Variants in FCGR1A observed in about 807,000 individuals in gnomAD.
FCGR1A encodes high affinity immunoglobulin gamma Fc receptor I.
FCGR1A carries 13 observed loss-of-function variants against 35.0 expected under a neutral mutation model. The observed-to-expected ratio is 0.37, with a 90% CI of 0.24 to 0.59. The LOEUF (loss-of-function observed/expected upper bound fraction) is 0.59, where lower values mean the gene tolerates loss of function less well. FCGR1A is among the 20% of genes least tolerant of loss of function. FCGR1A has a pLI of 0.71. For missense variants in FCGR1A, 227 were observed against 430.0 expected (o/e 0.53, Z 4.17); for synonymous variants, 91 against 164.7 (o/e 0.55, Z 3.43).
chr1:149,784,281 G>A, intron 3 of FCGR1A, 24 bp downstream of exon 3: 1 of 1,609,250 alleles, frequency 6.2e-7, no homozygotes, highest in Non-Finnish European at 8.5e-7. Flanking sequence ...GGACCAGGAG[G>A]GCCGGAAACC....
Position 149,790,416 on chromosome 1 carries a change from G to C in FCGR1A, c.844+78G>C. Reference sequence around the variant, plus strand: ...TCCCATGGGACTGAGGTTTGTTCAAGGGTTTTTGGCCCAGACAGGAGGGGA... The same window carrying C: ...TCCCATGGGACTGAGGTTTGTTCAACGGTTTTTGGCCCAGACAGGAGGGGA... On this transcript the variant is annotated intron_variant, in intron 5 of 5. Coordinates refer to ENST00000369168, the MANE Select transcript of FCGR1A (RefSeq NM_000566.4). 28 of 1,547,794 alleles carry C rather than the reference G, an allele frequency of 1.8e-5. No homozygotes were observed. In the South Asian group the frequency reaches 3.2e-4, roughly 18 times the overall value.
Position 149,791,413 on chromosome 1 carries a change from C to T in FCGR1A, c.1021C>T (p.Leu341Phe), listed in dbSNP as rs782053090. ...SGHEKKVISS[L>F]QEDRHLEEEL... is the part of the protein sequence containing the mutation. The stretch of plus-strand genomic sequence containing the variant: ...TCATGAGAAGAAGGTAATTTCCAGC[C>T]TTCAAGAAGACAGACATTTAGAAGA... The change falls in exon 6 of 6, where the codon CTT becomes TTT. Residue 341 changes from leucine to phenylalanine, a missense_variant. Physicochemically the swap from Leu to Phe is conservative, Grantham distance 22 (BLOSUM62 0). Around this residue, in one of 3 missense-constraint regions of FCGR1A, gnomAD observed 39 missense variants for 101.3 expected, o/e 0.38. Coordinates refer to ENST00000369168, the MANE Select transcript of FCGR1A (RefSeq NM_000566.4). 7 of 1,602,060 alleles carry T rather than the reference C, an allele frequency of 4.4e-6. No individual in the cohort carries two copies. The highest frequency in any genetic ancestry group is 5.1e-6 in the Non-Finnish European group (6 of 1,176,430).
intron 3 of FCGR1A, chr1:149,786,293 CT>C (rs2091548386): frequency 6.6e-6 from 1 of 152,026 alleles, no homozygotes; most frequent in Non-Finnish European, 1.5e-5. Context: ...CTGTCTTTTT[CT>C]TACTGACTTA....
At chr1:149,789,840 G>A (rs1553751461) in intron 4 of FCGR1A, among the ~76,000 whole-genome samples, 1 of 152,162 alleles carries the variant, frequency 6.6e-6, no homozygotes, top group Non-Finnish European at 1.5e-5. Flanking sequence ...CACTGGTATA[G>A]AGGTATCCTC....
At chr1:149,786,967 T>G (rs1457152352) in intron 3 of FCGR1A, 3 of 152,236 alleles carry the variant, frequency 2.0e-5, no homozygotes, top group African/African-American at 4.8e-5. Flanking sequence ...ATGAATTTTC[T>G]TTCTAAAGTA....
chr1:149,798,559 C>G, the FCGR1A span, among the ~76,000 whole-genome samples: 3 of 151,364 alleles, frequency 2.0e-5, no homozygotes, highest in Non-Finnish European at 4.4e-5. Flanking sequence ...GGAGCACTAC[C>G]TTTATGAATA....
intron 4 of FCGR1A, among the ~76,000 whole-genome samples, chr1:149,789,057 T>C (rs1212499885): frequency 6.6e-6 from 1 of 151,772 alleles, no homozygotes; most frequent in Non-Finnish European, 1.5e-5. Context: ...GCCTCTGTGG[T>C]GCCACTTCTT....
At position 149,784,285 on chromosome 1, in the gene FCGR1A, G is replaced by A. The variant is rs374673071; in HGVS notation, c.307+28G>A. Reference sequence around the variant, plus strand: ...AATTATGACTTGGACCAGGAGGGCCGGAAACCACAAGGTCTTCCTCTGCGT... The same window carrying A: ...AATTATGACTTGGACCAGGAGGGCCAGAAACCACAAGGTCTTCCTCTGCGT... On this transcript the variant is annotated intron_variant, in intron 3 of 5. Transcript: ENST00000369168. 210 of 1,609,252 alleles carry A rather than the reference G, an allele frequency of 1.3e-4. 7 individuals are homozygous for A. The Middle Eastern group carries it at 1.4e-3, about 10-fold the overall frequency.
downstream of FCGR1A, chr1:149,792,706 T>A (rs1912340): frequency 7.8e-7 from 1 of 1,277,452 alleles, no homozygotes; most frequent in East Asian, 5.7e-5. Context: ...CGAAAGCTGT[T>A]GGGCGCGCGC....
chr1:149,791,392 G>A lies in FCGR1A; in HGVS notation c.1000G>A (p.Glu334Lys). ...AGAAATCTCTTTGGATTCTGGTCAT[G>A]AGAAGAAGGTAATTTCCAGCCTTCA... Reference protein sequence around the residue: ...DLEISLDSGHEKKVISSLQED... With the variant: ...DLEISLDSGHKKKVISSLQED... The change falls in exon 6 of 6, where the codon GAG (glutamate) becomes AAG (lysine). Residue 334 changes from glutamate (E) to lysine (K), a missense_variant. Transcript: ENST00000369168. 1.9e-6 allele frequency: 3 copies of A among 1,593,116 alleles called. No homozygotes were observed. Among genetic ancestry groups the A allele is most frequent in the Non-Finnish European group, 2.6e-6 (3 of 1,169,814 alleles).
At chr1:149,785,407 C>CCTTTTTTTT (rs1553750700) in intron 3 of FCGR1A, among the ~76,000 whole-genome samples, 4 of 74,542 alleles carry the variant, frequency 5.4e-5, no homozygotes, top group Non-Finnish European at 8.8e-5. Context: ...AGAGCTGTTT[C>CCTTTTTTTT]GTTTTTTTTT....
At chr1:149,793,327 C>A (rs1402541713), downstream of FCGR1A, 1 of 1,150,170 alleles carries the variant, frequency 8.7e-7, no homozygotes, top group Non-Finnish European at 1.1e-6. Context: ...CTGGTTCCCT[C>A]ACCGTCAAAA....
At chr1:149,786,324 C>T (rs1447627631) in intron 3 of FCGR1A, 1 of 152,022 alleles carries the variant, frequency 6.6e-6, no homozygotes, top group African/African-American at 2.4e-5. Flanking sequence ...TTTATATATT[C>T]TGGATATAAG....
chr1:149,790,974 G>A (rs1219172834), intron 5 of FCGR1A, among the ~76,000 whole-genome samples: 30 of 151,502 alleles, frequency 2.0e-4, no homozygotes, highest in African/African-American at 7.3e-4. Context: ...AAATGGCACA[G>A]AGATATCAGT....
chr1:149,787,526 G>A (rs1274208084), intron 3 of FCGR1A: 1 of 152,436 alleles, frequency 6.6e-6, no homozygotes, highest in Non-Finnish European at 1.5e-5. Flanking sequence ...CCTTCTGTGT[G>A]TTTGTCTTAG....
At chr1:149,787,262 A>T (rs1255280299) in intron 3 of FCGR1A, 15 of 152,242 alleles carry the variant, frequency 9.9e-5, no homozygotes, top group African/African-American at 3.6e-4. Context: ...CCATTCTTAG[A>T]TAAGTTCTGG....
chr1:149,793,298 A>G, downstream of FCGR1A: 1 of 1,182,852 alleles, frequency 8.5e-7, no homozygotes, highest in Non-Finnish European at 1.1e-6. Flanking sequence ...CTCCCCGTCC[A>G]GCTCGGAGGA....
chr1:149,798,505 A>T, the FCGR1A span, among the ~76,000 whole-genome samples: 1 of 151,976 alleles, frequency 6.6e-6, no homozygotes, highest in Non-Finnish European at 1.5e-5. Context: ...ACATATGTGT[A>T]TGTATCCTTG....
downstream of FCGR1A, among the ~76,000 whole-genome samples, chr1:149,795,772 C>G (rs2091793718): frequency 1.3e-5 from 2 of 150,882 alleles, no homozygotes; most frequent in Admixed American, 1.3e-4. Context: ...TATAAAAACC[C>G]CACTCTGTCT....
Sources: allele counts gnomAD v4.1 joint callset (sites outside exome capture counted in the v4.1 genomes callset), GRCh38; gene constraint gnomAD v4.1.1; regional missense constraint gnomAD v4.1.1; transcripts MANE v1.5; gene names NCBI Gene and HGNC (gene_info 2026-07-23, HGNC 2026-07-21).